Variants in SLCO2A1 observed in about 807,000 individuals in gnomAD.
The protein encoded by SLCO2A1 is solute carrier organic anion transporter family member 2A1, also known as matrin F/G 1.
Under a neutral mutation model 71.7 loss-of-function variants are expected in SLCO2A1, and 60 were observed. The observed-to-expected ratio is 0.84, with a 90% CI of 0.68 to 1.04. The LOEUF is 1.04. Ranked by LOEUF, SLCO2A1 falls within the 50% of genes least tolerant of loss-of-function variation. The pLI is 0.00. For missense variants in SLCO2A1, 745 were observed against 813.4 expected (o/e 0.92, Z 1.02); for synonymous variants, 308 against 326.7 (o/e 0.94, Z 0.62).
chr3:133,972,846 C>T (rs1934357623), intron 3 of SLCO2A1, among the ~76,000 whole-genome samples: 1 of 151,964 alleles, frequency 6.6e-6, no homozygotes, highest in African/African-American at 2.4e-5. Context: ...CATAGGCCTA[C>T]TGAAAGTAAC....
rs1299586678 is a variant in SLCO2A1 at position 133,955,517 on chromosome 3, A to T, written c.398-324T>A. 8 of 335,350 alleles carry T rather than the reference A, an allele frequency of 2.4e-5. No homozygotes were observed. The East Asian group carries it at 5.2e-4, about 22-fold the overall frequency. The allele number at this position is 335,350 out of a possible 1,614,324, so 20.8% of individuals were successfully genotyped here. A position where few individuals can be genotyped will look rare whatever the true frequency, so the allele number is the denominator to read the frequency against. On this transcript the variant is annotated intron_variant, in intron 3 of 13. Coordinates refer to ENST00000310926, the MANE Select transcript of SLCO2A1 (RefSeq NM_005630.3). The stretch of plus-strand genomic sequence containing the variant: ...GGCACTGGTGGGGAGCTGAGCACGG[A>T]GAAGTCAGTACCTTCATCTGTGGAG...
intron 1 of SLCO2A1, among the ~76,000 whole-genome samples, chr3:133,994,660 G>A (rs77331653): frequency 1.3e-5 from 2 of 152,190 alleles, no homozygotes; most frequent in African/African-American, 4.8e-5. Flanking sequence ...ATGCACCCTT[G>A]GGGGGAAGCT....
intron 3 of SLCO2A1, among the ~76,000 whole-genome samples, chr3:133,963,434 G>A (rs11709172): frequency 0.51 from 76,970 of 152,032 alleles, 19,568 homozygotes; most frequent in South Asian, 0.57. Flanking sequence ...GGGTAGGGAG[G>A]GGACCCTAGA....
chr3:133,938,295 C>G lies in SLCO2A1; in HGVS notation c.1690+134G>C, dbSNP rs866223817. Reference sequence around the variant, plus strand: ...CCGTCCACATGGATTTTGGCATCTGCTGTTGATTATGCACAGCTTCTCTTC... The same window carrying G: ...CCGTCCACATGGATTTTGGCATCTGGTGTTGATTATGCACAGCTTCTCTTC... On this transcript the variant is annotated intron_variant, in intron 12 of 13. Transcript: ENST00000310926. 84 of 801,098 alleles carry G rather than the reference C, an allele frequency of 1.0e-4. No homozygotes were observed. In the African/African-American group the frequency reaches 1.3e-3, roughly 12 times the overall value. The allele number at this position is 801,098 out of a possible 1,614,324, so 49.6% of individuals were successfully genotyped here. A position where few individuals can be genotyped will look rare whatever the true frequency, so the allele number is the denominator to read the frequency against.
At chr3:133,946,052 C>G (rs1305172877) in intron 9 of SLCO2A1, among the ~76,000 whole-genome samples, 1 of 152,106 alleles carries the variant, frequency 6.6e-6, no homozygotes, top group Non-Finnish European at 1.5e-5. Context: ...AGGACAAAGC[C>G]ATGTGCTAAA....
intron 1 of SLCO2A1, among the ~76,000 whole-genome samples, chr3:134,001,458 C>T (rs560641085): frequency 6.6e-6 from 1 of 152,174 alleles, no homozygotes; most frequent in African/African-American, 2.4e-5. Context: ...CTGGAGGCTG[C>T]ACCGGACTGG....
chr3:134,025,281 C>G (rs935229296), intron 1 of SLCO2A1, among the ~76,000 whole-genome samples: 2 of 152,060 alleles, frequency 1.3e-5, no homozygotes, highest in Non-Finnish European at 2.9e-5. Flanking sequence ...TACTGGAACT[C>G]TAAAAAGAAC....
intron 1 of SLCO2A1, among the ~76,000 whole-genome samples, chr3:134,001,588 C>T (rs550244986): frequency 6.6e-6 from 1 of 152,270 alleles, no homozygotes; most frequent in Admixed American, 6.5e-5. Flanking sequence ...CCTCTCTCTA[C>T]TCCTCAGATC....
At chr3:133,964,400 CAA>C (rs1934117487) in intron 3 of SLCO2A1, among the ~76,000 whole-genome samples, 2 of 151,994 alleles carry the variant, frequency 1.3e-5, no homozygotes, top group Non-Finnish European at 1.5e-5. Context: ...GATTTTCATC[CAA>C]AGAGATGAGT....
At chr3:133,961,966 G>C (rs868115710) in intron 3 of SLCO2A1, among the ~76,000 whole-genome samples, 5 of 152,246 alleles carry the variant, frequency 3.3e-5, no homozygotes. Context: ...TTATGTCAGA[G>C]ACAGATGTAG....
intron 1 of SLCO2A1, among the ~76,000 whole-genome samples, chr3:134,008,907 C>T (rs1161874944): frequency 6.6e-6 from 1 of 152,218 alleles, no homozygotes; most frequent in Admixed American, 6.5e-5. Context: ...ACTGTGACAA[C>T]AGATGGAAAA....
At chr3:134,010,414 G>A (rs892741093) in intron 1 of SLCO2A1, among the ~76,000 whole-genome samples, 7 of 152,082 alleles carry the variant, frequency 4.6e-5, no homozygotes, top group African/African-American at 1.4e-4. Flanking sequence ...GAGGGAGAGA[G>A]AGCAAGAGTG....
intron 1 of SLCO2A1, among the ~76,000 whole-genome samples, chr3:134,002,275 G>T (rs1333544080): frequency 6.6e-6 from 1 of 152,144 alleles, no homozygotes; most frequent in Admixed American, 6.5e-5. Flanking sequence ...TGCTGAGAAG[G>T]CTCCGTCCTC....
In SLCO2A1 at chr3:133,948,565, G is replaced by A. The variant is rs139368671; in HGVS notation, c.1076C>T (p.Thr359Ile). 31 of 1,614,132 alleles carry A rather than the reference G, an allele frequency of 1.9e-5. No homozygotes were observed. The highest frequency in any genetic ancestry group is 1.3e-5 in the African/African-American group (1 of 75,048). Residue 359 changes from threonine to isoleucine, a missense_variant, in exon 8 of 14, where the codon ACC (threonine) becomes ATC (isoleucine). By Grantham distance (89) the Thr-to-Ile change is moderately conservative. Transcript: ENST00000310926. ...GAGGAAGTTGGCATAGGCTGCTGAG[G>A]TGCCATACTGCTTCTCCAGGAACTT... is the stretch of plus-strand genomic sequence containing the variant. ...LNKFLEKQYG[T>I]SAAYANFLIG...
At chr3:133,956,097 G>A (rs549213566) in intron 3 of SLCO2A1, among the ~76,000 whole-genome samples, 1 of 152,316 alleles carries the variant, frequency 6.6e-6, no homozygotes, top group South Asian at 2.1e-4. Context: ...CTTTCCATGA[G>A]ATCCCCTTTC....
chr3:134,003,403 C>T (rs1935142199), intron 1 of SLCO2A1, among the ~76,000 whole-genome samples: 4 of 152,150 alleles, frequency 2.6e-5, no homozygotes, highest in East Asian at 1.9e-4. Flanking sequence ...ACTGGTGATA[C>T]GCTGGGCGTC....
At chr3:133,955,421 C>A in intron 3 of SLCO2A1, 1 of 553,324 alleles carries the variant, frequency 1.8e-6, no homozygotes, top group South Asian at 2.4e-5. Context: ...GGCTCCCCGG[C>A]CCCAGGAGCT....
chr3:133,953,696 G>A lies in SLCO2A1; in HGVS notation c.691C>T (p.Gln231Ter), dbSNP rs1157747827. ...FGYLLGSVMLQIFVDYGRVNT... is the reference protein window; with the variant it reads ...FGYLLGSVML ...ACCCTGCCATAGTCCACAAAGATCT[G>A]CAGCATGACAGAGCCCAGCAGGTAC... The change falls in exon 5 of 14, where the codon CAG becomes TAG. Residue 231 changes from glutamine to a stop codon, truncating the protein, a stop_gained. Coordinates refer to ENST00000310926, the MANE Select transcript of SLCO2A1 (RefSeq NM_005630.3). LOFTEE classifies it high-confidence loss of function. The A allele has an allele frequency of 6.2e-7, 1 of 1,614,144 alleles. No homozygotes were observed. The highest frequency in any genetic ancestry group is 1.7e-5 in the Admixed American group (1 of 60,020).
intron 3 of SLCO2A1, among the ~76,000 whole-genome samples, chr3:133,955,669 G>A (rs778331605): frequency 2.0e-5 from 3 of 152,186 alleles, no homozygotes; most frequent in Non-Finnish European, 4.4e-5. Context: ...CAGGACAGAG[G>A]TCATGCTGTT....
Sources: allele counts gnomAD v4.1 joint callset (sites outside exome capture counted in the v4.1 genomes callset), GRCh38; gene constraint gnomAD v4.1.1; transcripts MANE v1.5; gene names NCBI Gene and HGNC (gene_info 2026-07-23, HGNC 2026-07-21).